AGRN: variants seen among roughly 807,000 people sequenced by gnomAD.
The protein encoded by AGRN is agrin, also known as agrin proteoglycan.
AGRN carries 106 observed loss-of-function variants against 211.0 expected under a neutral mutation model. That is an observed-to-expected ratio of 0.50 (90% CI 0.43 to 0.59). The LOEUF (loss-of-function observed/expected upper bound fraction) is 0.59. Ranked by LOEUF, AGRN falls within the 20% of genes least tolerant of loss-of-function variation. The probability of loss-of-function intolerance (pLI) is 0.00; values close to 1 mark genes in which losing one functional copy is unlikely to be tolerated. For missense variants in AGRN, 3,040 were observed against 2,982.6 expected, an observed-to-expected ratio of 1.02 and a Z score of -0.45; for synonymous variants, 1,525 against 1,332.5, an observed-to-expected ratio of 1.14 and a Z score of -3.15.
At position 1,043,709 on chromosome 1, in the gene AGRN, A is replaced by C; in HGVS notation, c.1775A>C (p.His592Pro). 6.2e-7 allele frequency: 1 copy of C among 1,600,742 alleles called. No homozygotes were observed. The highest frequency in any genetic ancestry group is 8.5e-7 in the Non-Finnish European group (1 of 1,179,762). The change falls in exon 9 of 36, where the codon CAC (histidine) becomes CCC (proline). Residue 592 changes from histidine (H) to proline (P), a missense_variant. His to Pro is a moderately conservative substitution (Grantham distance 77, BLOSUM62 -2). This residue lies in a region of AGRN where 1,498 missense variants were observed against 1,457.8 expected (regional missense o/e 1.03). Coordinates refer to ENST00000379370, the MANE Select transcript of AGRN (RefSeq NM_198576.4). ...VHACTHQISLHVASAGPCETC... is the reference protein window; with the variant it reads ...VHACTHQISLPVASAGPCETC... ...GCCTGCACACACCAGATCAGCCTGC[A>C]CGTGGCCTCAGCTGGACCCTGTGGT...
chr1:1,051,706 C>A lies in AGRN; in HGVS notation c.5564-22C>A, dbSNP rs374208830. On this transcript the variant is annotated intron_variant, in intron 32 of 35. Coordinates refer to ENST00000379370, the MANE Select transcript of AGRN (RefSeq NM_198576.4). ...TGGGCCCGGAGCCCACGAGGCCCCA[C>A]CCTCACCTGCCTATCTCACAGGGCT... 2.5e-6 allele frequency: 4 copies of A among 1,613,444 alleles called. No individual in the cohort carries two copies. The East Asian group carries it at 8.9e-5, about 36-fold the overall frequency.
Position 1,050,829 on chromosome 1 carries a change from G to A in AGRN, c.5245G>A (p.Glu1749Lys), listed in dbSNP as rs1198965167. The change falls in exon 30 of 36, where the codon GAG becomes AAG. Residue 1749 changes from glutamate to lysine, a missense_variant. Around this residue, in one of 3 missense-constraint regions of AGRN, gnomAD observed 1,537 missense variants for 1,505.0 expected, o/e 1.02. Transcript: ENST00000379370. ...RVGDGPRVLGESPVPHTVLNL... is the reference protein window; with the variant it reads ...RVGDGPRVLGKSPVPHTVLNL... ...GGGCGACGGCCCCCGTGTGTTGGGG[G>A]AGTCCCCGGTGAGTGCTCTGGGCCG... 6.3e-7 allele frequency: 1 copy of A among 1,577,854 alleles called. No individual in the cohort carries two copies.
chr1:1,048,061 G>A lies in AGRN; in HGVS notation c.3801G>A (p.Ala1267=), dbSNP rs148483856. The change falls in exon 23 of 36, where the codon GCG becomes GCA. Residue 1267 remains alanine (A), a synonymous_variant. Coordinates refer to ENST00000379370, the MANE Select transcript of AGRN (RefSeq NM_198576.4). This position sits in a 1 kb window ranked among gnomAD's most constrained non-coding sequence, Gnocchi z 5.9. ...ITGATSGAIA[A]GATARATTAS... Reference sequence around the variant, plus strand: ...GGGCCACGTCAGGAGCCATTGCTGCGGGAGCCACGGCCAGAGCCACCACTG... The same window carrying A: ...GGGCCACGTCAGGAGCCATTGCTGCAGGAGCCACGGCCAGAGCCACCACTG... 101 of 1,584,960 alleles carry A rather than the reference G, an allele frequency of 6.4e-5. No homozygotes were observed. The highest frequency in any genetic ancestry group is 5.2e-4 in the African/African-American group (39 of 74,618).
At chr1:1,050,903 C>T (rs1211025656) in intron 30 of AGRN, 66 bp downstream of exon 30, 72 of 1,526,608 alleles carry the variant, frequency 4.7e-5, no homozygotes, top group Admixed American at 6.0e-5. Flanking sequence ...GCGGCAGCCC[C>T]GCCCCTGCCG....
In AGRN at chr1:1,022,375, C is replaced by T. The variant is rs750241246; in HGVS notation, c.376C>T (p.Pro126Ser). The change falls in exon 2 of 36, where the codon CCA becomes TCA. Residue 126 changes from proline to serine, a missense_variant. Transcript: ENST00000379370. ...FVNPAPPYLWPAHKNELMLNS... is the reference protein window; with the variant it reads ...FVNPAPPYLWSAHKNELMLNS... ...GAACCCTGCACCCCCATACCTGTGG[C>T]CAGCCCACAAGAACGAGCTGATGCT... 1 of 1,613,354 alleles carries T rather than the reference C, an allele frequency of 6.2e-7. No individual in the cohort carries two copies. Among genetic ancestry groups the T allele is most frequent in the Non-Finnish European group, 8.5e-7 (1 of 1,180,000 alleles).
chr1:1,051,186 G>T, intron 30 of AGRN, 67 bp from the exon 31 acceptor site: 1 of 1,535,590 alleles, frequency 6.5e-7, no homozygotes. Context: ...GGTGCGTGCA[G>T]GTGCCTGGGC....
chr1:1,051,925 C>T (rs1170599508), intron 33 of AGRN, 110 bp downstream of exon 33: 3 of 1,548,640 alleles, frequency 1.9e-6, no homozygotes, highest in South Asian at 1.2e-5. Context: ...GCTGCCACCT[C>T]TGTCCTCCCG....
Position 1,042,051 on chromosome 1 carries a change from T to C in AGRN, c.1273T>C (p.Tyr425His), listed in dbSNP as rs1644958660. ...SCDRVTCDGA[Y>H]RPVCAQDGRT... The stretch of plus-strand genomic sequence containing the variant: ...CGACCGCGTCACCTGTGACGGGGCC[T>C]ACAGGCCCGTGTGTGCCCAGGACGG... The change falls in exon 7 of 36, where the codon TAC (tyrosine) becomes CAC (histidine). Residue 425 changes from tyrosine (Y) to histidine (H), a missense_variant. Coordinates refer to ENST00000379370, the MANE Select transcript of AGRN (RefSeq NM_198576.4). 2 of 1,608,452 alleles carry C rather than the reference T, an allele frequency of 1.2e-6. No individual in the cohort carries two copies. The highest frequency in any genetic ancestry group is 8.5e-7 in the Non-Finnish European group (1 of 1,179,568).
chr1:1,053,649 A>C, intron 33 of AGRN, 104 bp from the exon 34 acceptor site: 2 of 1,495,376 alleles, frequency 1.3e-6, no homozygotes, highest in Non-Finnish European at 1.8e-6. Flanking sequence ...GGGTCCCGTC[A>C]CAGCCCTTGT....
At chr1:1,050,133 C>G (rs1645238411) in intron 27 of AGRN, 96 bp downstream of exon 27, 3 of 1,588,088 alleles carry the variant, frequency 1.9e-6, no homozygotes, top group South Asian at 1.1e-5. Context: ...GGATGCGGCT[C>G]AGTCTAGTCT....
At chr1:1,046,117 G>A (rs760753192) in intron 16 of AGRN, 29 bp downstream of exon 16, 1 of 1,613,854 alleles carries the variant, frequency 6.2e-7, no homozygotes. Flanking sequence ...GAAGGGGAGT[G>A]GGGAGGAGGC....
intron 3 of AGRN, among the ~76,000 whole-genome samples, chr1:1,039,542 G>A (rs1401269129): frequency 1.3e-5 from 2 of 151,946 alleles, no homozygotes; most frequent in Non-Finnish European, 2.9e-5. Flanking sequence ...AGCTGCAGCC[G>A]CTAACGGACC....
chr1:1,045,806 C>T lies in AGRN; in HGVS notation c.2610C>T (p.Pro870=), dbSNP rs371615464. 4.3e-5 allele frequency: 70 copies of T among 1,613,052 alleles called. No individual in the cohort carries two copies. The African/African-American group carries it at 5.6e-4, about 13-fold the overall frequency. ...EQMTGLCSCK[P]GVAGPKCGQC... is the part of the protein sequence containing the mutation. ...TGACGGGGCTGTGCTCGTGTAAGCC[C>T]GGGGTGGCTGGACCCAAGTGTGGGC... is the stretch of plus-strand genomic sequence containing the variant. Residue 870 remains proline (P), a synonymous_variant, in exon 15 of 36, where the codon CCC becomes CCT. Transcript: ENST00000379370.
At chr1:1,035,169 T>TGGGGGGGGGGGG (rs56001364) in intron 2 of AGRN, 108 bp from the exon 3 acceptor site, 2 of 882,624 alleles carry the variant, frequency 2.3e-6, no homozygotes, top group African/African-American at 2.9e-5. Flanking sequence ...GGGCTAGCGG[T>TGGGGGGGGGGGG]GGGGGGGGGG....
rs759020548 is a variant in AGRN, at chr1:1,051,279, G to A, written c.5280G>A (p.Lys1760=). The A allele has an allele frequency of 9.2e-5, 146 of 1,579,404 alleles. No individual in the cohort carries two copies. The Middle Eastern group carries it at 1.0e-3, about 11-fold the overall frequency. ...TTCCGCACACCGTCCTCAACCTGAA[G>A]GAGCCGCTCTACGTAGGGGGCGCTC... is the stretch of plus-strand genomic sequence containing the variant. ...SPVPHTVLNL[K]EPLYVGGAPD... is the part of the protein sequence containing the mutation. The change falls in exon 31 of 36, where the codon AAG becomes AAA. Residue 1760 remains lysine (K), a synonymous_variant. Transcript: ENST00000379370.
Position 1,032,140 on chromosome 1 carries a change from G to A in AGRN, c.464-3137G>A, listed in dbSNP as rs932871701. 1.1e-4 allele frequency among the ~76,000 whole-genome samples: 16 copies of A among 152,318 alleles called. No individual in the cohort carries two copies. The highest frequency in any genetic ancestry group is 3.8e-4 in the African/African-American group (16 of 41,568). ...AGGAGAGAGTGAGGCCAGCAGGGGTGGGTCTCCAAGTGCTTCCTTTGACAG... is the reference window on the plus strand; with the variant it reads ...AGGAGAGAGTGAGGCCAGCAGGGGTAGGTCTCCAAGTGCTTCCTTTGACAG... On this transcript the variant is annotated intron_variant, in intron 2 of 35. Transcript: ENST00000379370. The surrounding 1 kb of genome is among the most constrained non-coding windows in gnomAD (Gnocchi z 4.7).
Position 1,032,987 on chromosome 1 carries a change from CG to C in AGRN, c.464-2285del, listed in dbSNP as rs988754509. On this transcript the variant is annotated intron_variant, in intron 2 of 35. Transcript: ENST00000379370. This position sits in a 1 kb window ranked among gnomAD's most constrained non-coding sequence, Gnocchi z 4.7. Reference sequence around the variant, plus strand: ...AGCGGCCAGGGAGAGGGGCGACCTACGGGGGCGGGTGTGGGGACGCCGGACT... The same window carrying C: ...AGCGGCCAGGGAGAGGGGCGACCTACGGGGCGGGTGTGGGGACGCCGGACT... 7.9e-5 allele frequency among the ~76,000 whole-genome samples: 12 copies of C among 152,006 alleles called. No individual in the cohort carries two copies. Among genetic ancestry groups the C allele is most frequent in the African/African-American group, 2.9e-4 (12 of 41,398 alleles).
Position 1,041,495 on chromosome 1 carries a change from C to T in AGRN, c.970C>T (p.Leu324Phe), listed in dbSNP as rs1457340390. The change falls in exon 6 of 36, where the codon CTC (leucine) becomes TTC (phenylalanine). Residue 324 changes from leucine to phenylalanine, a missense_variant. Around this residue, in one of 3 missense-constraint regions of AGRN, gnomAD observed 1,498 missense variants for 1,457.8 expected, o/e 1.03. Coordinates refer to ENST00000379370, the MANE Select transcript of AGRN (RefSeq NM_198576.4). ...DGPCDPCQGA[L>F]PDPSRSCRVN... is the part of the protein sequence containing the mutation. Reference sequence around the variant, plus strand: ...ACCCCCAGACCCCTGTCAGGGCGCCCTCCCTGACCCGAGCCGCAGCTGCCG... The same window carrying T: ...ACCCCCAGACCCCTGTCAGGGCGCCTTCCCTGACCCGAGCCGCAGCTGCCG... 1.9e-6 allele frequency: 3 copies of T among 1,596,468 alleles called. No individual in the cohort carries two copies. Among genetic ancestry groups the T allele is most frequent in the Admixed American group, 1.7e-5 (1 of 59,562 alleles).
chr1:1,035,029 G>A, intron 2 of AGRN: 1 of 599,098 alleles, frequency 1.7e-6, no homozygotes, highest in Non-Finnish European at 3.0e-6. Flanking sequence ...CCCTGTGGCT[G>A]GGGCCCCATC....
Sources: allele counts gnomAD v4.1 joint callset (sites outside exome capture counted in the v4.1 genomes callset), GRCh38; gene constraint gnomAD v4.1.1; regional missense constraint gnomAD v4.1.1; non-coding constraint Gnocchi (gnomAD v3.1); transcripts MANE v1.5; gene names NCBI Gene and HGNC (gene_info 2026-07-23, HGNC 2026-07-21).